NUP210: variants seen among roughly 807,000 people sequenced by gnomAD.
NUP210 encodes the protein nucleoporin 210.
In NUP210, 151 loss-of-function variants were observed where a neutral mutation model predicts 196.0. The ratio of observed to expected loss-of-function variants is 0.77; its 90% CI spans 0.67 to 0.88. The LOEUF (loss-of-function observed/expected upper bound fraction) is 0.88. Ranked by LOEUF, NUP210 falls within the 40% of genes least tolerant of loss-of-function variation. The probability of loss-of-function intolerance (pLI) is 0.00; values close to 1 mark genes in which losing one functional copy is unlikely to be tolerated. For synonymous variants in NUP210, 1,070 were observed against 1,052.7 expected (o/e 1.02, Z -0.32); for missense variants, 2,314 against 2,493.7 (o/e 0.93, Z 1.53).
rs1421954167 is a variant in NUP210, at chr3:13,379,250, C to T, written c.977-270G>A. Among the ~76,000 whole-genome samples the T allele has an allele frequency of 1.3e-5, 2 of 152,148 alleles. No individual in the cohort carries two copies. The highest frequency in any genetic ancestry group is 2.9e-5 in the Non-Finnish European group (2 of 68,016). On this transcript the variant is annotated intron_variant, in intron 7 of 39. Coordinates refer to ENST00000254508, the MANE Select transcript of NUP210 (RefSeq NM_024923.4). This position sits in a 1 kb window ranked among gnomAD's most constrained non-coding sequence, Gnocchi z 4.2. ...CAACAAGTCTGGGGCATCAACACTC[C>T]ATTATGCTAGTATGGAAACAGCCCC...
At chr3:13,338,096 C>G (rs570821744) in intron 25 of NUP210, among the ~76,000 whole-genome samples, 179 bp from the exon 26 acceptor site, 7 of 152,212 alleles carry the variant, frequency 4.6e-5, no homozygotes, top group Admixed American at 6.5e-5. Flanking sequence ...TGGCTCTCCC[C>G]TCATGGGCCA....
In NUP210 at chr3:13,389,225, G is replaced by C. The variant is rs182246043; in HGVS notation, c.534-772C>G. Among the ~76,000 whole-genome samples, 373 of 152,340 alleles carry C rather than the reference G, an allele frequency of 2.4e-3. 2 individuals are homozygous for C. The highest frequency in any genetic ancestry group is 8.4e-3 in the African/African-American group (351 of 41,576). ...GACAATCCAGCTCCAACCCGCCTTG[G>C]CATCTGGGATTTCTGTTAGCATTTG... On this transcript the variant is annotated intron_variant, in intron 4 of 39. Transcript: ENST00000254508.
Position 13,336,883 on chromosome 3 carries a change from C to T in NUP210, c.3588G>A (p.Gln1196=), listed in dbSNP as rs977833461. 4 of 1,613,782 alleles carry T rather than the reference C, an allele frequency of 2.5e-6. No individual in the cohort carries two copies. Among genetic ancestry groups the T allele is most frequent in the Non-Finnish European group, 3.4e-6 (4 of 1,179,856 alleles). The change falls in exon 27 of 40, where the codon CAG becomes CAA. Residue 1196 remains glutamine (Q), a synonymous_variant. Transcript: ENST00000254508. ...PIYVTGITNH[Q]NPFSFGNAVP... ...CGGCATTGCCAAAGGAGAAAGGGTT[C>T]TGGTGGTTGGTGATGCCGGTGACAT...
At position 13,398,138 on chromosome 3, in the gene NUP210, C is replaced by T. The variant is rs116303907; in HGVS notation, c.305-650G>A. 5.4e-3 allele frequency among the ~76,000 whole-genome samples: 828 copies of T among 152,282 alleles called. 3 individuals carry two copies. The highest frequency in any genetic ancestry group is 7.2e-3 in the Non-Finnish European group (493 of 68,024). ...GCAATACGGTCCCATGTATCAAAAG[C>T]CTTAAAAGTATTCAAGGTTGGCCAG... On this transcript the variant is annotated intron_variant, in intron 2 of 39. Transcript: ENST00000254508.
Position 13,391,294 on chromosome 3 carries a change from G to A in NUP210, c.450C>T (p.Ser150=), listed in dbSNP as rs780526201. ...QALDSEGNTF[S]TLAGLVFEWT... is the part of the protein sequence containing the mutation. ...ACTCGAAGACCAGTCCAGCCAGAGT[G>A]CTGAAGGTGTTCCCTATAAGAGCAG... The change falls in exon 4 of 40, where the codon AGC becomes AGT. Residue 150 remains serine, a synonymous_variant. Transcript: ENST00000254508. 8 of 1,609,712 alleles carry A rather than the reference G, an allele frequency of 5.0e-6. No homozygotes were observed. The South Asian group carries it at 8.9e-5, about 18-fold the overall frequency.
intron 9 of NUP210, among the ~76,000 whole-genome samples, chr3:13,376,937 G>A (rs1379177321): frequency 6.6e-6 from 1 of 152,026 alleles, no homozygotes; most frequent in African/African-American, 2.4e-5. Context: ...TCTCACAGGG[G>A]ACAGAGAGGC....
At chr3:13,357,691 C>A (rs1480885539) in intron 16 of NUP210, among the ~76,000 whole-genome samples, 1 of 152,104 alleles carries the variant, frequency 6.6e-6, no homozygotes, top group Non-Finnish European at 1.5e-5. Flanking sequence ...GGGGAGCAGA[C>A]CTGTGGCTTC....
At chr3:13,329,789 C>T (rs1384179183) in intron 30 of NUP210, among the ~76,000 whole-genome samples, 1 of 152,154 alleles carries the variant, frequency 6.6e-6, no homozygotes, top group African/African-American at 2.4e-5. Flanking sequence ...GGACCTGACC[C>T]AGGGATGCTG....
intron 11 of NUP210, among the ~76,000 whole-genome samples, chr3:13,374,552 G>C (rs2124914005): frequency 6.6e-6 from 1 of 152,120 alleles, no homozygotes; most frequent in South Asian, 2.1e-4. Flanking sequence ...CTCATATTCT[G>C]GGGACCTCGA....
chr3:13,327,095 G>A, intron 32 of NUP210, 122 bp downstream of exon 32: 3 of 700,916 alleles, frequency 4.3e-6, no homozygotes, highest in East Asian at 2.7e-5. Flanking sequence ...CTGCTCCTGA[G>A]TATCCTGCAG....
At chr3:13,367,648 AT>A (rs1231778703) in intron 13 of NUP210, among the ~76,000 whole-genome samples, 1 of 152,144 alleles carries the variant, frequency 6.6e-6, no homozygotes, top group Non-Finnish European at 1.5e-5. Context: ...CATGCTTGGT[AT>A]TGTTCCCATA....
chr3:13,339,555 A>G (rs1050826836), intron 25 of NUP210, among the ~76,000 whole-genome samples: 2 of 152,212 alleles, frequency 1.3e-5, no homozygotes, highest in African/African-American at 4.8e-5. Flanking sequence ...CTTCACCATG[A>G]TTGCCATCAT....
chr3:13,397,509 G>A (rs758067111), intron 2 of NUP210, 21 bp from the exon 3 acceptor site: 3 of 1,573,246 alleles, frequency 1.9e-6, no homozygotes, highest in Admixed American at 1.8e-5. Flanking sequence ...CCCAGGAAGG[G>A]GTCAGCACCA....
chr3:13,353,008 C>G (rs1043652263), intron 18 of NUP210, among the ~76,000 whole-genome samples: 1 of 151,928 alleles, frequency 6.6e-6, no homozygotes, highest in African/African-American at 2.4e-5. Flanking sequence ...GGCAGGAGGC[C>G]GTGACGCCCC....
At chr3:13,386,462 G>A in intron 5 of NUP210, 55 bp from the exon 6 acceptor site, 4 of 1,599,496 alleles carry the variant, frequency 2.5e-6, no homozygotes, top group Non-Finnish European at 3.4e-6. Flanking sequence ...ATGGGGAAGT[G>A]GTGGTGTGAG....
rs753181030 is a variant in NUP210 at position 13,323,301 on chromosome 3, T to C, written c.4768+8A>G. The C allele has an allele frequency of 2.5e-6, 4 of 1,613,982 alleles. No individual in the cohort carries two copies. The highest frequency in any genetic ancestry group is 2.2e-5 in the East Asian group (1 of 44,864). The stretch of plus-strand genomic sequence containing the variant: ...CTCTGAAGACAGCCCAAGCCCCTCA[T>C]TAAGTACCTCTCAGGTTAGAGCTTC... On this transcript the variant is annotated splice_region_variant and intron_variant, in intron 34 of 39. Coordinates refer to ENST00000254508, the MANE Select transcript of NUP210 (RefSeq NM_024923.4). This position sits in a 1 kb window ranked among gnomAD's most constrained non-coding sequence, Gnocchi z 4.3.
At position 13,358,147 on chromosome 3, in the gene NUP210, T is replaced by G. The variant is rs542116407; in HGVS notation, c.2328+75A>C. 1,119 of 1,398,300 alleles carry G rather than the reference T, an allele frequency of 8.0e-4. 17 individuals are homozygous for G. In the South Asian group the frequency reaches 0.014, roughly 17 times the overall value. 86.6% of individuals were successfully genotyped at this position (1,398,300 alleles called of 1,614,324 possible). On this transcript the variant is annotated intron_variant, in intron 16 of 39. Coordinates refer to ENST00000254508, the MANE Select transcript of NUP210 (RefSeq NM_024923.4). ...ATGTCCGTTGCAATGCTCGGGACCA[T>G]GGGCGAGGCCACCAATGTCCTCCTG...
At chr3:13,414,047 G>A (rs1372738813) in intron 1 of NUP210, among the ~76,000 whole-genome samples, 1 of 152,238 alleles carries the variant, frequency 6.6e-6, no homozygotes, top group Non-Finnish European at 1.5e-5. Flanking sequence ...TGCTTTTGAG[G>A]GGGTGCTCCC....
chr3:13,366,120 C>T, intron 13 of NUP210, 29 bp from the exon 14 acceptor site: 1 of 1,598,890 alleles, frequency 6.3e-7, no homozygotes, highest in Non-Finnish European at 8.5e-7. Context: ...TAGATGGTCA[C>T]CCTGAAATCA....
Sources: allele counts gnomAD v4.1 joint callset (sites outside exome capture counted in the v4.1 genomes callset), GRCh38; gene constraint gnomAD v4.1.1; non-coding constraint Gnocchi (gnomAD v3.1); transcripts MANE v1.5; gene names NCBI Gene and HGNC (gene_info 2026-07-23, HGNC 2026-07-21).